Variants in CERS6 observed in about 807,000 individuals in gnomAD.
CERS6 encodes the protein LAG1 homolog, ceramide synthase 6.
In CERS6, 26 loss-of-function variants were observed where a neutral mutation model predicts 56.8. The observed-to-expected ratio is 0.46, with a 90% CI of 0.34 to 0.63. The LOEUF (loss-of-function observed/expected upper bound fraction) is 0.63, where lower values mean the gene tolerates loss of function less well. Among genes scored for constraint, CERS6 ranks in the 30% least tolerant of loss-of-function variants. The pLI is 0.01. For missense variants in CERS6, 415 were observed against 467.5 expected, an observed-to-expected ratio of 0.89 and a Z score of 1.04; for synonymous variants, 164 against 173.3, an observed-to-expected ratio of 0.95 and a Z score of 0.42.
intron 1 of CERS6, among the ~76,000 whole-genome samples, chr2:168,469,257 A>C (rs952183114): frequency 6.6e-6 from 1 of 152,214 alleles, no homozygotes; most frequent in South Asian, 2.1e-4. Context: ...TTTCAACTAT[A>C]GGCACTTTTC....
chr2:168,625,623 G>A (rs761517015), intron 3 of CERS6, among the ~76,000 whole-genome samples: 2 of 152,160 alleles, frequency 1.3e-5, no homozygotes, highest in Admixed American at 1.3e-4. Context: ...AAGAGAAGGA[G>A]AGGAGGTAAA....
intron 3 of CERS6, among the ~76,000 whole-genome samples, chr2:168,596,289 G>A (rs1019006826): frequency 6.6e-6 from 1 of 151,882 alleles, no homozygotes; most frequent in Non-Finnish European, 1.5e-5. Context: ...AGGGTCATGT[G>A]GAATGGGACC....
intron 4 of CERS6, among the ~76,000 whole-genome samples, chr2:168,657,487 G>A (rs907349638): frequency 4.6e-5 from 7 of 152,380 alleles, no homozygotes; most frequent in Admixed American, 1.3e-4. Context: ...CGTGGAGCAG[G>A]GGGTGGAGCT....
intron 8 of CERS6, among the ~76,000 whole-genome samples, chr2:168,726,654 A>C (rs1683363188): frequency 6.6e-6 from 1 of 152,192 alleles, no homozygotes; most frequent in South Asian, 2.1e-4. Context: ...AATAATGGTA[A>C]ATACTCTACC....
At chr2:168,514,494 C>G (rs928408122) in intron 1 of CERS6, among the ~76,000 whole-genome samples, 4 of 152,198 alleles carry the variant, frequency 2.6e-5, no homozygotes, top group Non-Finnish European at 5.9e-5. Context: ...CCTTCCCCAC[C>G]ACACACTACA....
At chr2:168,727,262 C>A (rs911358240) in intron 8 of CERS6, among the ~76,000 whole-genome samples, 2 of 147,488 alleles carry the variant, frequency 1.4e-5, no homozygotes, top group Non-Finnish European at 3.0e-5. Context: ...TAAAAAAAAA[C>A]AAGTTGACTG....
In CERS6 at chr2:168,500,086, T is replaced by C. The variant is rs189693979; in HGVS notation, c.170+43468T>C. ...GTGATACCCCCAAGAGTATGTTCTT[T>C]GATGGACTCATTCATAGGAAGTGCC... is the stretch of plus-strand genomic sequence containing the variant. On this transcript the variant is annotated intron_variant, in intron 1 of 9. Coordinates refer to ENST00000305747, the MANE Select transcript of CERS6 (RefSeq NM_203463.3). 6.6e-5 allele frequency among the ~76,000 whole-genome samples: 10 copies of C among 152,318 alleles called. No individual in the cohort carries two copies. In the East Asian group the frequency reaches 1.9e-3, roughly 29 times the overall value.
At chr2:168,657,873 A>G (rs1291643076) in intron 4 of CERS6, among the ~76,000 whole-genome samples, 6 of 152,230 alleles carry the variant, frequency 3.9e-5, no homozygotes, top group Admixed American at 3.9e-4. Flanking sequence ...TGGCCAGCCC[A>G]GAAAGTGGCT....
At chr2:168,510,238 C>T (rs7584363) in intron 1 of CERS6, among the ~76,000 whole-genome samples, 13,580 of 152,178 alleles carry the variant, frequency 0.089, 1,218 homozygotes, top group African/African-American at 0.22. Context: ...CTATACATTT[C>T]AGTTAACAGA....
intron 4 of CERS6, among the ~76,000 whole-genome samples, chr2:168,685,864 T>G (rs1322075847): frequency 6.6e-6 from 1 of 151,842 alleles, no homozygotes; most frequent in Admixed American, 6.6e-5. Context: ...CATAAGCTAA[T>G]GAAAAATCCC....
intron 3 of CERS6, among the ~76,000 whole-genome samples, chr2:168,567,093 C>A (rs1695898339): frequency 1.3e-5 from 2 of 152,152 alleles, no homozygotes. Context: ...GGGAAAAAAT[C>A]ATAAGATTGG....
chr2:168,480,126 G>C (rs1530969), intron 1 of CERS6, among the ~76,000 whole-genome samples: 120,935 of 152,172 alleles, frequency 0.79, 48,448 homozygotes, highest in East Asian at 0.99. Context: ...AGGTAGCAGC[G>C]ACTGGGTTTT....
chr2:168,650,440 G>C (rs548809341), intron 4 of CERS6, among the ~76,000 whole-genome samples: 2 of 152,290 alleles, frequency 1.3e-5, no homozygotes, highest in African/African-American at 4.8e-5. Flanking sequence ...TGAACATTGA[G>C]AGTGGCTCAT....
chr2:168,506,327 C>G (rs969917349), intron 1 of CERS6, among the ~76,000 whole-genome samples: 4 of 152,036 alleles, frequency 2.6e-5, no homozygotes, highest in Admixed American at 2.0e-4. Flanking sequence ...TCCAGTCGAC[C>G]TGATGTGGCA....
At chr2:168,596,159 C>G (rs1683792405) in intron 3 of CERS6, among the ~76,000 whole-genome samples, 1 of 151,888 alleles carries the variant, frequency 6.6e-6, no homozygotes, top group Admixed American at 6.5e-5. Flanking sequence ...AATGTTTATG[C>G]ATCTGGCTAG....
intron 1 of CERS6, among the ~76,000 whole-genome samples, chr2:168,472,455 G>A (rs1052860922): frequency 6.6e-6 from 1 of 152,128 alleles, no homozygotes; most frequent in Non-Finnish European, 1.5e-5. Context: ...GACGACAGAA[G>A]CTCTGGTACT....
chr2:168,660,477 C>G lies in CERS6; in HGVS notation c.465+29435C>G, dbSNP rs935703144. 2.0e-5 allele frequency among the ~76,000 whole-genome samples: 3 copies of G among 151,862 alleles called. No individual in the cohort carries two copies. In the South Asian group the frequency reaches 6.2e-4, roughly 32 times the overall value. The stretch of plus-strand genomic sequence containing the variant: ...TGTCACAGTGATGCTTTGCCTTTTC[C>G]CAAGGGCTGAAATAGAAAAATGTTT... On this transcript the variant is annotated intron_variant, in intron 4 of 9. Transcript: ENST00000305747.
intron 6 of CERS6, among the ~76,000 whole-genome samples, chr2:168,705,531 A>G (rs780852696): frequency 5.9e-5 from 9 of 152,124 alleles, no homozygotes; most frequent in Non-Finnish European, 1.3e-4. Context: ...TGTGGAGGAT[A>G]AGGCTGAGGA....
intron 2 of CERS6, among the ~76,000 whole-genome samples, chr2:168,559,611 G>A (rs887186753): frequency 1.3e-5 from 2 of 151,052 alleles, no homozygotes; most frequent in African/African-American, 4.9e-5. Context: ...ACCTCTCAAA[G>A]GCTCCAGCTT....
Sources: allele counts gnomAD v4.1 joint callset (sites outside exome capture counted in the v4.1 genomes callset), GRCh38; gene constraint gnomAD v4.1.1; transcripts MANE v1.5; gene names NCBI Gene and HGNC (gene_info 2026-07-23, HGNC 2026-07-21).